FBXO43: variants seen among roughly 807,000 people sequenced by gnomAD.
The protein encoded by FBXO43 is F-box protein 43.
FBXO43 carries 22 observed loss-of-function variants against 56.7 expected under a neutral mutation model. That is an observed-to-expected ratio of 0.39 (90% confidence interval 0.28 to 0.55). The LOEUF (loss-of-function observed/expected upper bound fraction) is 0.55. FBXO43 is among the 20% of genes least tolerant of loss of function. FBXO43 has a pLI of 0.66. For missense variants in FBXO43, 733 were observed against 814.9 expected, an observed-to-expected ratio of 0.90 and a Z score of 1.22; for synonymous variants, 306 against 294.5, an observed-to-expected ratio of 1.04 and a Z score of -0.40.
In FBXO43 at chr8:100,134,903, T is replaced by C. The variant is rs114906325; in HGVS notation, c.1675-539A>G. Among the ~76,000 whole-genome samples, 1,261 of 152,226 alleles carry C rather than the reference T, an allele frequency of 8.3e-3. 27 individuals are homozygous for C. Among genetic ancestry groups the C allele is most frequent in the African/African-American group, 0.028 (1,176 of 41,526 alleles). On this transcript the variant is annotated intron_variant, in intron 3 of 4. Transcript: ENST00000428847. ...GGACAGCAAAGGGCCCCAGGAAGGATGTCTCTGAGGAAAAGAAGGAACAGG... is the reference window on the plus strand; with the variant it reads ...GGACAGCAAAGGGCCCCAGGAAGGACGTCTCTGAGGAAAAGAAGGAACAGG...
upstream of FBXO43, among the ~76,000 whole-genome samples, chr8:100,146,187 G>A (rs1177451373): frequency 6.6e-6 from 1 of 152,244 alleles, no homozygotes; most frequent in Non-Finnish European, 1.5e-5. Flanking sequence ...ATATACACAG[G>A]ATGAGGTCTG....
Position 100,145,092 on chromosome 8 carries a change from G to C in FBXO43, c.44C>G (p.Ala15Gly). 1.2e-6 allele frequency: 2 copies of C among 1,612,176 alleles called. No individual in the cohort carries two copies. The highest frequency in any genetic ancestry group is 1.7e-6 in the Non-Finnish European group (2 of 1,178,664). The change falls in exon 1 of 5, where the codon GCC becomes GGC. Residue 15 changes from alanine (A) to glycine (G), a missense_variant. Coordinates refer to ENST00000428847, the MANE Select transcript of FBXO43 (RefSeq NM_001029860.4). Reference sequence around the variant, plus strand: ...GCTCTTAGATGTCAAAGTTACGTAGGCTTCCAAACAAGAAATTCTCTCATC... The same window carrying C: ...GCTCTTAGATGTCAAAGTTACGTAGCCTTCCAAACAAGAAATTCTCTCATC... The part of the protein sequence containing the change: ...DKDERISCLE[A>G]YVTLTSKSSR...
intron 1 of FBXO43, among the ~76,000 whole-genome samples, chr8:100,142,775 T>TC (rs1814699788): frequency 6.6e-6 from 1 of 152,330 alleles, no homozygotes; most frequent in South Asian, 2.1e-4. Flanking sequence ...AAAGACTGGC[T>TC]CATCAATGAA....
rs772645847 is a variant in FBXO43 at position 100,142,002 on chromosome 8, A to C, written c.252T>G (p.Cys84Trp). 1 of 1,612,852 alleles carries C rather than the reference A, an allele frequency of 6.2e-7. No homozygotes were observed. The highest frequency in any genetic ancestry group is 1.1e-5 in the South Asian group (1 of 90,638). Residue 84 changes from cysteine to tryptophan, a missense_variant, in exon 2 of 5, where the codon TGT becomes TGG. By Grantham distance (215) the Cys-to-Trp change is radical (BLOSUM62 -2). Transcript: ENST00000428847. ...ATTCTTTATCTATATTATCAAAGCT[A>C]CAAGATTTTAACTCATTGTAGCCAC... ...QDSGYNELKS[C>W]SFDNIDKEYL...
At chr8:100,137,703 T>C (rs1814516860) in intron 2 of FBXO43, 36 bp from the exon 3 acceptor site, 1 of 1,453,798 alleles carries the variant, frequency 6.9e-7, no homozygotes, top group Non-Finnish European at 9.5e-7. Context: ...ATTGCATACA[T>C]TCTATAGGAT....
chr8:100,138,207 A>C (rs1352435585), intron 2 of FBXO43, among the ~76,000 whole-genome samples: 1 of 152,202 alleles, frequency 6.6e-6, no homozygotes, highest in African/African-American at 2.4e-5. Flanking sequence ...TAAAGAAAAA[A>C]CACAATTTTT....
rs763920697 is a variant in FBXO43, at chr8:100,137,639, C to A, written c.1600G>T (p.Glu534Ter). 32 of 1,613,050 alleles carry A rather than the reference C, an allele frequency of 2.0e-5. No individual in the cohort carries two copies. The highest frequency in any genetic ancestry group is 2.6e-5 in the Non-Finnish European group (31 of 1,179,576). The change falls in exon 3 of 5, where the codon GAA (glutamate) becomes TAA (stop). Residue 534 changes from glutamate to a stop codon, truncating the protein, a stop_gained. Transcript: ENST00000428847. LOFTEE classifies it high-confidence loss of function. ...GCATTTTTATCTTGAACAACAATTT[C>A]ACGCCAATTTCTGCTTACTTTCCAA... ...SVWKVSRNWREIVVQDKNANR... is the reference protein window; with the variant it reads ...SVWKVSRNWR
rs950586407 is a variant in FBXO43 at position 100,139,160 on chromosome 8, T to C, written c.1572-1493A>G. Reference sequence around the variant, plus strand: ...TAGCAGGTCACTTCTCTGGGGCTCATTTCCTCATCTGCAAAACATGTGAAC... The same window carrying C: ...TAGCAGGTCACTTCTCTGGGGCTCACTTCCTCATCTGCAAAACATGTGAAC... On this transcript the variant is annotated intron_variant, in intron 2 of 4. Transcript: ENST00000428847. Among the ~76,000 whole-genome samples, 3 of 152,302 alleles carry C rather than the reference T, an allele frequency of 2.0e-5. 1 individual carries two copies. Among genetic ancestry groups the C allele is most frequent in the South Asian group, 4.1e-4 (2 of 4,830 alleles).
chr8:100,144,002 C>T (rs1039406155), intron 1 of FBXO43, among the ~76,000 whole-genome samples: 1 of 152,162 alleles, frequency 6.6e-6, no homozygotes, highest in Non-Finnish European at 1.5e-5. Flanking sequence ...GAACTCCTGA[C>T]CTCAGGTGAT....
At position 100,133,481 on chromosome 8, in the gene FBXO43, T is replaced by G. The variant is rs2446917; in HGVS notation, c.*321A>C. On this transcript the variant is annotated 3_prime_UTR_variant, in exon 5 of 5. Coordinates refer to ENST00000428847, the MANE Select transcript of FBXO43 (RefSeq NM_001029860.4). ...ATCTGAAAAACTATTTTTTAAAAAA[T>G]GATTGAAGAACATGTCAAGAGTGAT... 65,314 of 174,600 alleles carry G rather than the reference T, an allele frequency of 0.37. 12,584 individuals are homozygous for G. The highest frequency in any genetic ancestry group is 0.51 in the East Asian group (3,257 of 6,432). The allele number at this position is 174,600 out of a possible 1,614,324, so 10.8% of individuals were successfully genotyped here. A position where few individuals can be genotyped will look rare whatever the true frequency, so the allele number is the denominator to read the frequency against.
upstream of FBXO43, among the ~76,000 whole-genome samples, chr8:100,149,412 G>A (rs1000663325): frequency 2.0e-5 from 3 of 152,166 alleles, no homozygotes; most frequent in Non-Finnish European, 4.4e-5. Context: ...GGATAACAAT[G>A]GTTCCATCTA....
chr8:100,134,279 C>G lies in FBXO43; in HGVS notation c.1760G>C (p.Arg587Thr). The change falls in exon 4 of 5, where the codon AGG becomes ACG. Residue 587 changes from arginine (R) to threonine (T), a missense_variant. Physicochemically the swap from Arg to Thr is moderately conservative, Grantham distance 71 (BLOSUM62 -1). Coordinates refer to ENST00000428847, the MANE Select transcript of FBXO43 (RefSeq NM_001029860.4). The part of the protein sequence containing the change: ...SALRSVQAQA[R>T]IPGSQREQGS... Reference sequence around the variant, plus strand: ...TTGCTCTCTCTGAGAACCAGGTATCCTAGCCTGTGCCTGCACAGATCTTAA... The same window carrying G: ...TTGCTCTCTCTGAGAACCAGGTATCGTAGCCTGTGCCTGCACAGATCTTAA... The G allele has an allele frequency of 1.2e-6, 2 of 1,614,090 alleles. No individual in the cohort carries two copies. Among genetic ancestry groups the G allele is most frequent in the East Asian group, 4.5e-5 (2 of 44,882 alleles).
intron 3 of FBXO43, among the ~76,000 whole-genome samples, chr8:100,134,808 AT>A (rs1011095829): frequency 6.6e-6 from 1 of 151,992 alleles, no homozygotes; most frequent in Non-Finnish European, 1.5e-5. Context: ...TTCTTTTATA[AT>A]TTTTTTTGTT....
At chr8:100,144,673 C>T (rs1236769966) in intron 1 of FBXO43, among the ~76,000 whole-genome samples, 62 of 149,688 alleles carry the variant, frequency 4.1e-4, no homozygotes, top group African/African-American at 7.1e-4. Flanking sequence ...GGCTCACGCC[C>T]GTAATCCCAG....
intron 3 of FBXO43, among the ~76,000 whole-genome samples, chr8:100,134,680 T>A (rs1814417242): frequency 6.6e-6 from 1 of 152,146 alleles, no homozygotes; most frequent in African/African-American, 2.4e-5. Context: ...CCAGATAATA[T>A]AATATATAAT....
chr8:100,145,031 G>A lies in FBXO43; in HGVS notation c.85+20C>T. ...CATTAAACCCAAATGTTCTTCATTT[G>A]TTAAAGTGGAAACTCTTACCATCAG... On this transcript the variant is annotated intron_variant, in intron 1 of 4. Coordinates refer to ENST00000428847, the MANE Select transcript of FBXO43 (RefSeq NM_001029860.4). The A allele has an allele frequency of 6.2e-7, 1 of 1,602,328 alleles. No homozygotes were observed. The highest frequency in any genetic ancestry group is 8.5e-7 in the Non-Finnish European group (1 of 1,174,196).
At chr8:100,136,047 T>C (rs1198376087) in intron 3 of FBXO43, among the ~76,000 whole-genome samples, 1 of 152,072 alleles carries the variant, frequency 6.6e-6, no homozygotes, top group Non-Finnish European at 1.5e-5. Flanking sequence ...AATGTTTAAA[T>C]ATTAATAAGT....
At position 100,137,633 on chromosome 8, in the gene FBXO43, C is replaced by T; in HGVS notation, c.1606G>A (p.Val536Ile). 1 of 1,612,898 alleles carries T rather than the reference C, an allele frequency of 6.2e-7. No homozygotes were observed. Among genetic ancestry groups the T allele is most frequent in the Non-Finnish European group, 8.5e-7 (1 of 1,179,554 alleles). ...CGATTTGCATTTTTATCTTGAACAA[C>T]AATTTCACGCCAATTTCTGCTTACT... ...WKVSRNWREI[V>I]VQDKNANRRR... The change falls in exon 3 of 5, where the codon GTT (valine) becomes ATT (isoleucine). Residue 536 changes from valine (V) to isoleucine (I), a missense_variant. Val to Ile is a conservative substitution (Grantham distance 29). Coordinates refer to ENST00000428847, the MANE Select transcript of FBXO43 (RefSeq NM_001029860.4).
At chr8:100,149,614 T>C (rs1814884347), upstream of FBXO43, among the ~76,000 whole-genome samples, 1 of 152,200 alleles carries the variant, frequency 6.6e-6, no homozygotes, top group Non-Finnish European at 1.5e-5. Context: ...AAAGATCAAC[T>C]TAAATCTCTC....
Sources: gnomAD v4.1 joint callset for allele counts (sites outside exome capture counted in the v4.1 genomes callset) on GRCh38, gnomAD v4.1.1 for gene constraint, MANE v1.5 for transcripts, NCBI Gene and HGNC (gene_info 2026-07-23, HGNC 2026-07-21) for gene names.